The following CCM2 variants were observed in gnomAD, a reference collection of about 807,000 sequenced individuals.
CCM2 encodes cerebral cavernous malformations 2 protein.
Under a neutral mutation model 44.9 loss-of-function variants are expected in CCM2, and 25 were observed. The ratio of observed to expected loss-of-function variants is 0.56; its 90% CI spans 0.41 to 0.78. The LOEUF (loss-of-function observed/expected upper bound fraction) is 0.78. Ranked by LOEUF, CCM2 falls within the 30% of genes least tolerant of loss-of-function variation. CCM2 has a pLI of 0.00. For missense variants in CCM2, 481 were observed against 580.6 expected (o/e 0.83, Z 1.76); for synonymous variants, 219 against 241.1 (o/e 0.91, Z 0.85).
At chr7:45,019,533 G>T (rs555486344) in intron 1 of CCM2, among the ~76,000 whole-genome samples, 1 of 152,244 alleles carries the variant, frequency 6.6e-6, no homozygotes, top group East Asian at 1.9e-4. Context: ...CTTTAACTTG[G>T]CAGGACTTGG....
intron 2 of CCM2, among the ~76,000 whole-genome samples, chr7:45,049,801 C>A (rs911805275): frequency 2.6e-5 from 4 of 152,090 alleles, no homozygotes; most frequent in Non-Finnish European, 5.9e-5. Context: ...CGGCCCTGTA[C>A]CTCTGCAGGT....
intron 1 of CCM2, among the ~76,000 whole-genome samples, chr7:45,003,707 A>C (rs1795735357): frequency 6.8e-6 from 1 of 146,432 alleles, no homozygotes; most frequent in African/African-American, 2.5e-5. Flanking sequence ...CAGCCTGGGC[A>C]ACAGGGCAAG....
chr7:45,012,404 G>A (rs1248491192), intron 1 of CCM2, among the ~76,000 whole-genome samples: 1 of 152,076 alleles, frequency 6.6e-6, no homozygotes, highest in African/African-American at 2.4e-5. Flanking sequence ...AAAGTGCTGG[G>A]ATTACAGGTG....
Position 45,009,074 on chromosome 7 carries a change from G to A in CCM2, c.30+8711G>A, listed in dbSNP as rs78247664. Among the ~76,000 whole-genome samples the A allele has an allele frequency of 9.9e-5, 15 of 152,174 alleles. No homozygotes were observed. In the East Asian group the frequency reaches 2.9e-3, roughly 30 times the overall value. On this transcript the variant is annotated intron_variant, in intron 1 of 9. Transcript: ENST00000258781. Reference sequence around the variant, plus strand: ...CCCAGCACTTTAGAAGGCCAAGGCAGGCAGATCACCTGAGATCAGAAGTTC... The same window carrying A: ...CCCAGCACTTTAGAAGGCCAAGGCAAGCAGATCACCTGAGATCAGAAGTTC...
At chr7:45,036,778 C>CT (rs1797238227) in intron 1 of CCM2, among the ~76,000 whole-genome samples, 1 of 151,980 alleles carries the variant, frequency 6.6e-6, no homozygotes, top group Non-Finnish European at 1.5e-5. Context: ...GAAATGAGAG[C>CT]TTTTAATGAA....
intron 2 of CCM2, among the ~76,000 whole-genome samples, chr7:45,039,430 C>T (rs1052352654): frequency 1.3e-5 from 2 of 152,176 alleles, no homozygotes; most frequent in African/African-American, 4.8e-5. Context: ...ACCCAACCAA[C>T]CAGCCTGAAT....
In CCM2 at chr7:45,072,780, C is replaced by A; in HGVS notation, c.800C>A (p.Thr267Asn). The stretch of plus-strand genomic sequence containing the variant: ...GAGACCTACGAGGTGGAAGCCAGCA[C>A]TTTGTGAGTGCACATGCCACCAAGC... ...IKETYEVEASTFCFPESVDVG... is the reference protein window; with the variant it reads ...IKETYEVEASNFCFPESVDVG... The change falls in exon 7 of 10, where the codon ACT becomes AAT. Residue 267 changes from threonine (T) to asparagine (N), a missense_variant. Physicochemically the swap from Thr to Asn is moderately conservative, Grantham distance 65. Transcript: ENST00000258781. 1 of 1,611,616 alleles carries A rather than the reference C, an allele frequency of 6.2e-7. No homozygotes were observed. The highest frequency in any genetic ancestry group is 8.5e-7 in the Non-Finnish European group (1 of 1,178,976).
chr7:45,009,850 T>G (rs1037755170), intron 1 of CCM2, among the ~76,000 whole-genome samples: 1 of 152,194 alleles, frequency 6.6e-6, no homozygotes, highest in African/African-American at 2.4e-5. Context: ...TGTCATTAAC[T>G]AGGGTTCAAT....
intron 1 of CCM2, among the ~76,000 whole-genome samples, chr7:45,003,071 A>G (rs372708559): frequency 9.2e-5 from 14 of 152,072 alleles, no homozygotes; most frequent in African/African-American, 3.4e-4. Context: ...GCATTGTGGC[A>G]CTATGTAATT....
chr7:45,070,095 CTT>C, intron 6 of CCM2, 134 bp downstream of exon 6: 1 of 1,160,320 alleles, frequency 8.6e-7, no homozygotes, highest in Non-Finnish European at 1.2e-6. Flanking sequence ...TGTTTCCAGA[CTT>C]TGCTGTTCAC....
intron 1 of CCM2, among the ~76,000 whole-genome samples, chr7:45,024,438 G>C (rs1478861024): frequency 7.4e-6 from 1 of 134,730 alleles, no homozygotes; most frequent in Non-Finnish European, 1.6e-5. Flanking sequence ...TTGTTTGCTT[G>C]CTGAACACTG....
At chr7:45,039,637 TA>T (rs1268268312) in intron 2 of CCM2, among the ~76,000 whole-genome samples, 1 of 152,184 alleles carries the variant, frequency 6.6e-6, no homozygotes, top group Non-Finnish European at 1.5e-5. Context: ...TAAAAGTATA[TA>T]ATATTTTCAG....
At chr7:45,070,056 G>A (rs374930440) in intron 6 of CCM2, 95 bp downstream of exon 6, 61 of 1,491,258 alleles carry the variant, frequency 4.1e-5, no homozygotes, top group Non-Finnish European at 5.0e-5. Flanking sequence ...CTGGAATAGC[G>A]CAGTTACTGC....
chr7:45,055,567 T>G (rs1798218009), intron 2 of CCM2, among the ~76,000 whole-genome samples: 1 of 152,082 alleles, frequency 6.6e-6, no homozygotes, highest in African/African-American at 2.4e-5. Context: ...CGGGTGCCCG[T>G]AATCCGAGCT....
At chr7:45,008,186 C>T (rs977165785) in intron 1 of CCM2, among the ~76,000 whole-genome samples, 1 of 151,124 alleles carries the variant, frequency 6.6e-6, no homozygotes, top group African/African-American at 2.4e-5. Context: ...ACTATAGGTG[C>T]GTGTTCCCAT....
intron 1 of CCM2, among the ~76,000 whole-genome samples, chr7:45,019,615 C>T (rs1796402029): frequency 6.6e-6 from 1 of 152,028 alleles, no homozygotes; most frequent in Non-Finnish European, 1.5e-5. Context: ...ACGGATCTTG[C>T]TCTGTTACCC....
intron 2 of CCM2, among the ~76,000 whole-genome samples, chr7:45,041,815 C>T (rs928553570): frequency 3.9e-5 from 6 of 152,156 alleles, no homozygotes; most frequent in Non-Finnish European, 7.3e-5. Context: ...GTGGAGACCA[C>T]ATTGGGTGGG....
intron 4 of CCM2, among the ~76,000 whole-genome samples, chr7:45,065,203 G>C (rs982571725): frequency 1.3e-5 from 2 of 152,210 alleles, no homozygotes; most frequent in African/African-American, 4.8e-5. Flanking sequence ...TTTGGCTGTG[G>C]TGAGTACAGT....
intron 4 of CCM2, 34 bp from the exon 5 acceptor site, chr7:45,068,409 A>G: frequency 3.1e-6 from 5 of 1,613,312 alleles, no homozygotes; most frequent in Non-Finnish European, 4.2e-6. Flanking sequence ...CTGCCCTTCC[A>G]CTGTGCTAAA....
Sources: gnomAD v4.1 joint callset for allele counts (sites outside exome capture counted in the v4.1 genomes callset) on GRCh38, gnomAD v4.1.1 for gene constraint, MANE v1.5 for transcripts, NCBI Gene and HGNC (gene_info 2026-07-23, HGNC 2026-07-21) for gene names.